CTIF: variants seen among roughly 807,000 people sequenced by gnomAD.
CTIF encodes the protein CBP80/20-dependent translation initiation factor.
Under a neutral mutation model 66.0 loss-of-function variants are expected in CTIF, and 21 were observed. That is an observed-to-expected ratio of 0.32 (90% CI 0.23 to 0.46). The LOEUF is 0.46. Among genes scored for constraint, CTIF ranks in the 20% least tolerant of loss-of-function variants. The pLI is 1.00. For synonymous variants in CTIF, 345 were observed against 326.4 expected (o/e 1.06, Z -0.62); for missense variants, 739 against 812.7 (o/e 0.91, Z 1.10).
chr18:48,730,823 G>A (rs2092450634), intron 7 of CTIF, among the ~76,000 whole-genome samples: 1 of 149,712 alleles, frequency 6.7e-6, no homozygotes. Flanking sequence ...GGCAGTGTGA[G>A]GGGCTTCCGT....
chr18:48,693,684 T>C (rs1348802522), intron 6 of CTIF, among the ~76,000 whole-genome samples: 2 of 152,168 alleles, frequency 1.3e-5, no homozygotes, highest in Non-Finnish European at 2.9e-5. Context: ...TGCTGCCAAA[T>C]GCGCCAGGTC....
intron 7 of CTIF, among the ~76,000 whole-genome samples, chr18:48,718,575 A>G (rs2092303494): frequency 6.6e-6 from 1 of 152,184 alleles, no homozygotes; most frequent in South Asian, 2.1e-4. Flanking sequence ...CCACTCAAGA[A>G]GAGGGAGTGA....
intron 6 of CTIF, among the ~76,000 whole-genome samples, chr18:48,700,611 A>G (rs1208490026): frequency 6.6e-6 from 1 of 152,212 alleles, no homozygotes; most frequent in Non-Finnish European, 1.5e-5. Context: ...TTGTATAATG[A>G]GCTGCAGCAG....
At chr18:48,568,876 A>G (rs1244654845) in intron 1 of CTIF, among the ~76,000 whole-genome samples, 1 of 152,092 alleles carries the variant, frequency 6.6e-6, no homozygotes, top group Non-Finnish European at 1.5e-5. Context: ...CGATTCAATT[A>G]TCTCCCACCA....
At chr18:48,753,632 A>T (rs1333275264) in intron 7 of CTIF, among the ~76,000 whole-genome samples, 3 of 152,088 alleles carry the variant, frequency 2.0e-5, no homozygotes, top group South Asian at 2.1e-4. Flanking sequence ...TCCTAACAGC[A>T]GGTGTTGCCA....
intron 3 of CTIF, among the ~76,000 whole-genome samples, chr18:48,644,639 T>C (rs376488500): frequency 6.6e-6 from 1 of 152,192 alleles, no homozygotes. Context: ...CAGCCATGCA[T>C]TGGGTGCTTG....
At chr18:48,630,360 T>G (rs539994825) in intron 2 of CTIF, among the ~76,000 whole-genome samples, 4 of 152,348 alleles carry the variant, frequency 2.6e-5, no homozygotes, top group African/African-American at 9.6e-5. Flanking sequence ...GTTCATGATT[T>G]CTTTTGTCGC....
chr18:48,584,765 G>T (rs567713724), intron 1 of CTIF, among the ~76,000 whole-genome samples: 2 of 152,306 alleles, frequency 1.3e-5, no homozygotes, highest in African/African-American at 4.8e-5. Flanking sequence ...CAGGAACCTG[G>T]CTCTGTGCCA....
At chr18:48,736,335 C>T (rs1568176798) in intron 7 of CTIF, among the ~76,000 whole-genome samples, 2 of 152,200 alleles carry the variant, frequency 1.3e-5, no homozygotes, top group African/African-American at 2.4e-5. Context: ...ACTCGGCATG[C>T]TCTGGGACCA....
intron 1 of CTIF, among the ~76,000 whole-genome samples, chr18:48,578,285 T>G (rs7229395): frequency 6.6e-6 from 1 of 152,052 alleles, no homozygotes; most frequent in Non-Finnish European, 1.5e-5. Context: ...CTGCTCTGAA[T>G]GTTCAAGTAC....
At chr18:48,607,271 G>A (rs970954468) in intron 1 of CTIF, among the ~76,000 whole-genome samples, 2 of 152,196 alleles carry the variant, frequency 1.3e-5, no homozygotes, top group African/African-American at 4.8e-5. Context: ...AGAGAATTCA[G>A]GGAGAGCTGT....
chr18:48,603,487 G>A (rs200902554), intron 1 of CTIF, among the ~76,000 whole-genome samples: 97 of 86,612 alleles, frequency 1.1e-3, no homozygotes, highest in African/African-American at 4.8e-3. Context: ...GGGTGGGTGG[G>A]TGGGTGGGTG....
intron 5 of CTIF, among the ~76,000 whole-genome samples, chr18:48,665,157 AC>A (rs2091416650): frequency 6.7e-6 from 1 of 148,176 alleles, no homozygotes; most frequent in African/African-American, 2.5e-5. Context: ...CTCATGATCC[AC>A]CCGCCTCGGC....
At chr18:48,556,015 A>G (rs1352084906) in intron 1 of CTIF, among the ~76,000 whole-genome samples, 1 of 152,210 alleles carries the variant, frequency 6.6e-6, no homozygotes, top group African/African-American at 2.4e-5. Context: ...CAGCTCCCCA[A>G]GTCTGGGCCA....
intron 3 of CTIF, among the ~76,000 whole-genome samples, chr18:48,641,171 C>G (rs1446403136): frequency 2.6e-5 from 4 of 152,200 alleles, no homozygotes; most frequent in African/African-American, 7.2e-5. Context: ...AGCAGCAGTA[C>G]ATTCAGAAAG....
At chr18:48,564,090 TC>T (rs1463988815) in intron 1 of CTIF, among the ~76,000 whole-genome samples, 1 of 152,214 alleles carries the variant, frequency 6.6e-6, no homozygotes. Flanking sequence ...ATTGGGGTTT[TC>T]CTCATTTTCA....
chr18:48,716,485 G>A (rs145580819), intron 7 of CTIF, among the ~76,000 whole-genome samples: 6 of 152,206 alleles, frequency 3.9e-5, no homozygotes, highest in Non-Finnish European at 8.8e-5. Flanking sequence ...GTGATTGACC[G>A]TGACTGTGGC....
chr18:48,830,460 C>G (rs896538730), intron 10 of CTIF, among the ~76,000 whole-genome samples: 2 of 152,132 alleles, frequency 1.3e-5, no homozygotes, highest in African/African-American at 4.8e-5. Flanking sequence ...CGTGAACCAC[C>G]GCGCCCGGCC....
rs1005860208 is a variant in CTIF at position 48,820,388 on chromosome 18, C to T, written c.1527+3012C>T. Among the ~76,000 whole-genome samples, 72 of 152,188 alleles carry T rather than the reference C, an allele frequency of 4.7e-4. 2 individuals are homozygous for T. Among genetic ancestry groups the T allele is most frequent in the Non-Finnish European group, 1.5e-5 (1 of 68,028 alleles). On this transcript the variant is annotated intron_variant, in intron 10 of 11. Coordinates refer to ENST00000256413, the MANE Select transcript of CTIF (RefSeq NM_014772.3). ...GAAGTTTCCAGAGCCAAAGGCACAGCTGCAGCCCCCTCCATGCTGGAAAAG... is the reference window on the plus strand; with the variant it reads ...GAAGTTTCCAGAGCCAAAGGCACAGTTGCAGCCCCCTCCATGCTGGAAAAG...
Sources: gnomAD v4.1 joint callset for allele counts (sites outside exome capture counted in the v4.1 genomes callset) on GRCh38, gnomAD v4.1.1 for gene constraint, MANE v1.5 for transcripts, NCBI Gene and HGNC (gene_info 2026-07-23, HGNC 2026-07-21) for gene names.